STIM1: variants seen among roughly 807,000 people sequenced by gnomAD.
The protein encoded by STIM1 is stromal interaction molecule 1.
In STIM1, 25 loss-of-function variants were observed where a neutral mutation model predicts 74.7. That is an observed-to-expected ratio of 0.33 (90% confidence interval 0.24 to 0.47). The LOEUF (loss-of-function observed/expected upper bound fraction) is 0.47, where lower values mean the gene tolerates loss of function less well. Ranked by LOEUF, STIM1 falls within the 20% of genes least tolerant of loss-of-function variation. STIM1 has a pLI of 1.00. For synonymous variants in STIM1, 328 were observed against 348.8 expected, an observed-to-expected ratio of 0.94 and a Z score of 0.66; for missense variants, 728 against 920.8, an observed-to-expected ratio of 0.79 and a Z score of 2.71.
At chr11:4,021,111 C>G (rs913394995) in intron 2 of STIM1, among the ~76,000 whole-genome samples, 5 of 151,314 alleles carry the variant, frequency 3.3e-5, no homozygotes, top group African/African-American at 1.2e-4. Context: ...TCCCATTTAT[C>G]TATTTTTGTA....
intron 3 of STIM1, among the ~76,000 whole-genome samples, chr11:4,029,697 C>CCTGAG (rs2094031638): frequency 6.6e-6 from 1 of 152,020 alleles, no homozygotes; most frequent in Non-Finnish European, 1.5e-5. Flanking sequence ...CACCTGGCAC[C>CCTGAG]CTGAGCTGCC....
intron 3 of STIM1, among the ~76,000 whole-genome samples, chr11:4,047,571 G>A (rs542446775): frequency 3.3e-5 from 5 of 152,142 alleles, no homozygotes; most frequent in South Asian, 2.1e-4. Context: ...AGCTGAGATC[G>A]TGCCACTGCA....
At chr11:3,857,738 A>G (rs2090441246) in intron 1 of STIM1, among the ~76,000 whole-genome samples, 1 of 152,194 alleles carries the variant, frequency 6.6e-6, no homozygotes, top group South Asian at 2.1e-4. Context: ...AAAAGGAAAT[A>G]TAGGTCATGG....
chr11:3,870,313 G>A (rs2091033771), intron 1 of STIM1, among the ~76,000 whole-genome samples: 1 of 152,168 alleles, frequency 6.6e-6, no homozygotes, highest in East Asian at 1.9e-4. Flanking sequence ...CAGTCTTGGA[G>A]ACAGACAAAC....
intron 1 of STIM1, among the ~76,000 whole-genome samples, chr11:3,917,957 ACT>A (rs2092669977): frequency 6.6e-6 from 1 of 152,086 alleles, no homozygotes; most frequent in African/African-American, 2.4e-5. Flanking sequence ...ATTTGTTGTG[ACT>A]CTTTCTTTTG....
chr11:3,910,031 G>C (rs1396524653), intron 1 of STIM1, among the ~76,000 whole-genome samples: 1 of 152,116 alleles, frequency 6.6e-6, no homozygotes, highest in East Asian at 1.9e-4. Context: ...AAAAAAATAT[G>C]TTTGAGCAGC....
chr11:3,949,676 A>T (rs1199855165), intron 1 of STIM1, among the ~76,000 whole-genome samples: 3 of 152,196 alleles, frequency 2.0e-5, no homozygotes, highest in Admixed American at 6.5e-5. Context: ...AGGATTTTTT[A>T]AATTAAAATT....
intron 12 of STIM1, chr11:4,089,061 G>T: frequency 3.5e-6 from 1 of 289,106 alleles, no homozygotes; most frequent in African/African-American, 2.2e-5. Context: ...GTGAGACCCT[G>T]TCTCTACAAA....
chr11:3,943,494 T>C (rs10500590), intron 1 of STIM1, among the ~76,000 whole-genome samples: 37,335 of 152,208 alleles, frequency 0.25, 5,707 homozygotes, highest in South Asian at 0.45. Context: ...GACTGTAAGC[T>C]GGTAAACTTT....
chr11:3,894,868 A>G lies in STIM1; in HGVS notation c.139+38459A>G, dbSNP rs938534838. 4.9e-5 allele frequency among the ~76,000 whole-genome samples: 7 copies of G among 142,664 alleles called. No homozygotes were observed. The East Asian group carries it at 1.2e-3, about 25-fold the overall frequency. The allele number at this position is 142,664 out of a possible 152,430, so 93.6% of individuals were successfully genotyped here. On this transcript the variant is annotated intron_variant, in intron 1 of 12. Transcript: ENST00000526596. ...ATTCTCCTGCCTCAGCCTCCCAAGT[A>G]TCTGGCATTACAGGCATGTGCCACC...
At chr11:3,981,753 G>C (rs2135802443) in intron 2 of STIM1, among the ~76,000 whole-genome samples, 1 of 152,236 alleles carries the variant, frequency 6.6e-6, no homozygotes, top group Admixed American at 6.5e-5. Flanking sequence ...CCTATGTTAT[G>C]AATCATGTGC....
At chr11:3,894,732 T>G (rs7120683) in intron 1 of STIM1, among the ~76,000 whole-genome samples, 47,713 of 151,680 alleles carry the variant, frequency 0.31, 8,941 homozygotes, top group African/African-American at 0.52. Context: ...TTTTTAACCG[T>G]GTTCTTTTTT....
At chr11:3,887,870 A>C (rs1002606239) in intron 1 of STIM1, among the ~76,000 whole-genome samples, 1 of 151,510 alleles carries the variant, frequency 6.6e-6, no homozygotes, top group African/African-American at 2.4e-5. Context: ...TGAGAGGCTG[A>C]GGCAGGAGAA....
intron 1 of STIM1, among the ~76,000 whole-genome samples, chr11:3,949,901 C>T (rs1012439132): frequency 1.1e-4 from 16 of 152,158 alleles, no homozygotes; most frequent in African/African-American, 3.4e-4. Context: ...TCTATTCCAA[C>T]ACCACAAAGA....
At chr11:4,025,414 C>T (rs1452203868) in intron 3 of STIM1, among the ~76,000 whole-genome samples, 1 of 152,144 alleles carries the variant, frequency 6.6e-6, no homozygotes, top group Non-Finnish European at 1.5e-5. Flanking sequence ...AAGCTGAGTT[C>T]CTTCTGGGGG....
In STIM1 at chr11:4,084,611, G is replaced by T; in HGVS notation, c.1475-62G>T. ...CAGCCCTTCCTTTATTACATTGATGGCAGGCCGAAGCCCTCCATAAATCAG... is the reference window on the plus strand; with the variant it reads ...CAGCCCTTCCTTTATTACATTGATGTCAGGCCGAAGCCCTCCATAAATCAG... On this transcript the variant is annotated intron_variant, in intron 10 of 12. Coordinates refer to ENST00000526596, the MANE Select transcript of STIM1 (RefSeq NM_001382567.1). 6.4e-6 allele frequency: 8 copies of T among 1,248,518 alleles called. No individual in the cohort carries two copies. In the South Asian group the frequency reaches 8.7e-5, roughly 14 times the overall value. 77.3% of individuals were successfully genotyped at this position (1,248,518 alleles called of 1,614,324 possible).
At chr11:3,910,381 T>C (rs1198625719) in intron 1 of STIM1, among the ~76,000 whole-genome samples, 2 of 152,146 alleles carry the variant, frequency 1.3e-5, no homozygotes, top group Non-Finnish European at 2.9e-5. Flanking sequence ...GCCAGAGGAC[T>C]GGATGAAACC....
chr11:4,091,918 G>T lies in STIM1; in HGVS notation c.*120G>T, dbSNP rs2094527581. On this transcript the variant is annotated 3_prime_UTR_variant, in exon 13 of 13. Coordinates refer to ENST00000526596, the MANE Select transcript of STIM1 (RefSeq NM_001382567.1). ...TGGGGCATGGGAAGGGCTGGTCCAG[G>T]GGTCTGGGCACTGTACATACCTGCC... 2.2e-6 allele frequency: 3 copies of T among 1,387,228 alleles called. No individual in the cohort carries two copies. Among genetic ancestry groups the T allele is most frequent in the South Asian group, 2.4e-5 (2 of 82,016 alleles). 85.9% of individuals were successfully genotyped at this position (1,387,228 alleles called of 1,614,324 possible).
intron 2 of STIM1, among the ~76,000 whole-genome samples, chr11:4,018,790 G>A (rs1400754481): frequency 1.3e-5 from 2 of 152,146 alleles, no homozygotes; most frequent in African/African-American, 2.4e-5. Flanking sequence ...AACATACCAA[G>A]TATATTCTCT....
Sources: gnomAD v4.1 joint callset for allele counts (sites outside exome capture counted in the v4.1 genomes callset) on GRCh38, gnomAD v4.1.1 for gene constraint, MANE v1.5 for transcripts, NCBI Gene and HGNC (gene_info 2026-07-23, HGNC 2026-07-21) for gene names.